ZBTB7C: variants seen among roughly 807,000 people sequenced by gnomAD.
ZBTB7C encodes the protein zinc finger and BTB domain containing 7C.
Under a neutral mutation model 25.7 loss-of-function variants are expected in ZBTB7C, and 8 were observed. The observed-to-expected ratio is 0.31, with a 90% CI of 0.18 to 0.56. ZBTB7C has a LOEUF of 0.56. Among genes scored for constraint, ZBTB7C ranks in the 20% least tolerant of loss-of-function variants. The pLI, the probability that ZBTB7C is intolerant of heterozygous loss-of-function variation, is 0.91. For synonymous variants in ZBTB7C, 394 were observed against 369.0 expected (o/e 1.07, Z -0.78); for missense variants, 824 against 855.2 (o/e 0.96, Z 0.46).
chr18:48,187,990 T>C (rs1057397309), intron 2 of ZBTB7C, among the ~76,000 whole-genome samples: 2 of 152,132 alleles, frequency 1.3e-5, no homozygotes, highest in Non-Finnish European at 2.9e-5. Context: ...GTGAATGTAC[T>C]CAATGAATTA....
Position 48,306,957 on chromosome 18 carries a change from G to A in ZBTB7C, c.-79+31217C>T, listed in dbSNP as rs891836367. ...AGCCAGTGTTCCACGGAGCAGGCCC[G>A]GCAAGAGACGATCTGCCAACTATCT... is the stretch of plus-strand genomic sequence containing the variant. On this transcript the variant is annotated intron_variant, in intron 2 of 4. Transcript: ENST00000590800. Among the ~76,000 whole-genome samples the A allele has an allele frequency of 2.6e-5, 4 of 152,078 alleles. 1 individual carries two copies. Among genetic ancestry groups the A allele is most frequent in the South Asian group, 4.2e-4 (2 of 4,812 alleles).
At chr18:48,099,304 C>A (rs1220622833) in intron 3 of ZBTB7C, among the ~76,000 whole-genome samples, 1 of 152,196 alleles carries the variant, frequency 6.6e-6, no homozygotes, top group Non-Finnish European at 1.5e-5. Context: ...GAAAATGTGA[C>A]GCATGTTGTC....
chr18:48,324,345 G>T lies in ZBTB7C; in HGVS notation c.-79+13829C>A, dbSNP rs371134873. The stretch of plus-strand genomic sequence containing the variant: ...CAGTGTGCACACCACCCTAAGATGG[G>T]AAAGAGTACTATGAGCTGAGCCAGG... On this transcript the variant is annotated intron_variant, in intron 2 of 4. Transcript: ENST00000590800. Among the ~76,000 whole-genome samples the T allele has an allele frequency of 1.8e-3, 278 of 152,228 alleles. 3 individuals are homozygous for T. The highest frequency in any genetic ancestry group is 0.01 in the South Asian group (49 of 4,818).
intron 2 of ZBTB7C, among the ~76,000 whole-genome samples, chr18:48,257,014 TAATCACATTAAA>T (rs1226936963): frequency 6.6e-6 from 1 of 151,940 alleles, no homozygotes; most frequent in African/African-American, 2.4e-5. Context: ...TAAACATCAA[TAATCACATTAAA>T]CATAAGTGAT....
chr18:48,220,851 T>G (rs974426654), intron 2 of ZBTB7C, among the ~76,000 whole-genome samples: 1 of 152,080 alleles, frequency 6.6e-6, no homozygotes, highest in Non-Finnish European at 1.5e-5. Flanking sequence ...CCTTGCACAC[T>G]CCCTACTGTC....
chr18:48,216,310 G>A lies in ZBTB7C; in HGVS notation c.-78-30315C>T, dbSNP rs77132281. On this transcript the variant is annotated intron_variant, in intron 2 of 4. Coordinates refer to ENST00000590800, the MANE Select transcript of ZBTB7C (RefSeq NM_001318841.2). Reference sequence around the variant, plus strand: ...CACCAGTAAGGAGGAAGAGCTGTGTGGACTTGCTGGGCATCAGAGAAGCCT... The same window carrying A: ...CACCAGTAAGGAGGAAGAGCTGTGTAGACTTGCTGGGCATCAGAGAAGCCT... Among the ~76,000 whole-genome samples, 48 of 152,302 alleles carry A rather than the reference G, an allele frequency of 3.2e-4. No homozygotes were observed. In the East Asian group the frequency reaches 8.5e-3, roughly 27 times the overall value.
rs560251730 is a variant in ZBTB7C at position 48,355,600 on chromosome 18, C to T, written c.-303-17202G>A. Among the ~76,000 whole-genome samples the T allele has an allele frequency of 6.6e-5, 10 of 152,332 alleles. No homozygotes were observed. In the East Asian group the frequency reaches 1.7e-3, roughly 26 times the overall value. On this transcript the variant is annotated intron_variant, in intron 1 of 4. Transcript: ENST00000590800. Reference sequence around the variant, plus strand: ...GCCTGCACACTAGCCCAGGCCTGAGCATGCTCCTTTACCAGCACCACTGCA... The same window carrying T: ...GCCTGCACACTAGCCCAGGCCTGAGTATGCTCCTTTACCAGCACCACTGCA...
chr18:48,051,577 AG>A (rs11295685), intron 3 of ZBTB7C, among the ~76,000 whole-genome samples: 64,583 of 151,688 alleles, frequency 0.43, 14,252 homozygotes, highest in East Asian at 0.57. Context: ...ACTAAAGTGA[AG>A]GTGAGGCTAA....
intron 2 of ZBTB7C, among the ~76,000 whole-genome samples, chr18:48,281,731 C>A (rs552777641): frequency 3.3e-5 from 5 of 151,970 alleles, no homozygotes; most frequent in African/African-American, 1.2e-4. Context: ...CACTGGCCAT[C>A]AGAGAAATGC....
chr18:48,291,881 A>G (rs2045239711), intron 2 of ZBTB7C, among the ~76,000 whole-genome samples: 1 of 152,132 alleles, frequency 6.6e-6, no homozygotes, highest in Admixed American at 6.6e-5. Context: ...AGAGACTCCA[A>G]TAGGGGACTC....
At chr18:48,165,171 A>G in intron 3 of ZBTB7C, 1 of 1,276,916 alleles carries the variant, frequency 7.8e-7, no homozygotes, top group Non-Finnish European at 1.0e-6. Context: ...GCAGTCCAGG[A>G]AGGGGAGGGT....
At chr18:48,105,298 C>T (rs1256466355) in intron 3 of ZBTB7C, among the ~76,000 whole-genome samples, 1 of 152,202 alleles carries the variant, frequency 6.6e-6, no homozygotes, top group Non-Finnish European at 1.5e-5. Context: ...TGTCATTCCT[C>T]TTCATGCCTG....
chr18:48,176,175 A>G (rs2041669790), intron 3 of ZBTB7C, among the ~76,000 whole-genome samples: 1 of 152,202 alleles, frequency 6.6e-6, no homozygotes, highest in South Asian at 2.1e-4. Context: ...CCCTGAGAAG[A>G]ACCAAGAGGG....
At chr18:48,186,613 C>G (rs2042061918) in intron 2 of ZBTB7C, among the ~76,000 whole-genome samples, 1 of 152,204 alleles carries the variant, frequency 6.6e-6, no homozygotes, top group Non-Finnish European at 1.5e-5. Flanking sequence ...AATGACAACG[C>G]TAACCTGAAC....
chr18:48,156,506 C>T (rs1003960441), intron 3 of ZBTB7C, among the ~76,000 whole-genome samples: 1 of 152,204 alleles, frequency 6.6e-6, no homozygotes, highest in Non-Finnish European at 1.5e-5. Flanking sequence ...GTGGGATACA[C>T]ACAAAACTGA....
chr18:48,188,235 C>T (rs2042111259), intron 2 of ZBTB7C, among the ~76,000 whole-genome samples: 1 of 152,100 alleles, frequency 6.6e-6, no homozygotes, highest in African/African-American at 2.4e-5. Flanking sequence ...AAGACATACC[C>T]GAGACTGGGT....
At chr18:48,294,271 G>A (rs1375598449) in intron 2 of ZBTB7C, among the ~76,000 whole-genome samples, 3 of 152,236 alleles carry the variant, frequency 2.0e-5, no homozygotes, top group South Asian at 2.1e-4. Context: ...TGGGAAAGGC[G>A]TTGAACCAGC....
At chr18:48,280,412 C>T (rs2044802116) in intron 2 of ZBTB7C, among the ~76,000 whole-genome samples, 2 of 152,148 alleles carry the variant, frequency 1.3e-5, no homozygotes. Flanking sequence ...CCTGAAGGCA[C>T]TAACCTGCTC....
intron 1 of ZBTB7C, among the ~76,000 whole-genome samples, chr18:48,345,000 A>G (rs1159063911): frequency 6.6e-6 from 1 of 152,236 alleles, no homozygotes; most frequent in Admixed American, 6.5e-5. Context: ...TCTGTATTTT[A>G]AGCACAAACT....
Sources: allele counts gnomAD v4.1 joint callset (sites outside exome capture counted in the v4.1 genomes callset), GRCh38; gene constraint gnomAD v4.1.1; transcripts MANE v1.5; gene names NCBI Gene and HGNC (gene_info 2026-07-23, HGNC 2026-07-21).